Variants in XKR4 observed in about 807,000 individuals in gnomAD.
XKR4 encodes the protein XK-related protein 4.
Under a neutral mutation model 53.9 loss-of-function variants are expected in XKR4, and 12 were observed. That is an observed-to-expected ratio of 0.22 (90% CI 0.14 to 0.36). The LOEUF is 0.36. Among genes scored for constraint, XKR4 ranks in the 10% least tolerant of loss-of-function variants. The pLI is 1.00. For missense variants in XKR4, 799 were observed against 859.5 expected (o/e 0.93, Z 0.88); for synonymous variants, 354 against 362.4 (o/e 0.98, Z 0.26).
intron 2 of XKR4, among the ~76,000 whole-genome samples, chr8:55,431,295 T>C (rs1805099935): frequency 6.6e-6 from 1 of 152,230 alleles, no homozygotes; most frequent in African/African-American, 2.4e-5. Flanking sequence ...TTTTTAGTGA[T>C]GTTAATAGAC....
At position 55,539,344 on chromosome 8, in the gene XKR4, A is replaced by T. The variant is rs1250196266; in HGVS notation, c.*15117A>T. The T allele has an allele frequency of 1.3e-5, 2 of 152,180 alleles. No homozygotes were observed. Among genetic ancestry groups the T allele is most frequent in the Non-Finnish European group, 2.9e-5 (2 of 68,026 alleles). 9.4% of individuals were successfully genotyped at this position (152,180 alleles called of 1,614,324 possible). A position where few individuals can be genotyped will look rare whatever the true frequency, so the allele number is the denominator to read the frequency against. On this transcript the variant is annotated 3_prime_UTR_variant, in exon 3 of 3. Transcript: ENST00000327381. ...ATATTCCATTGTGAAAAAAATGTGCACACTCTTAAAAACACAAAATGGGTT... is the reference window on the plus strand; with the variant it reads ...ATATTCCATTGTGAAAAAAATGTGCTCACTCTTAAAAACACAAAATGGGTT...
chr8:55,173,559 C>A (rs2129358788), intron 1 of XKR4, among the ~76,000 whole-genome samples: 1 of 152,316 alleles, frequency 6.6e-6, no homozygotes, highest in African/African-American at 2.4e-5. Flanking sequence ...TTTCTGGTCT[C>A]CTTATGGAGG....
intron 2 of XKR4, chr8:55,454,370 T>G: frequency 1.3e-6 from 2 of 1,502,610 alleles, no homozygotes; most frequent in South Asian, 1.1e-5. Context: ...GATGGGCACA[T>G]AGGTGAAGCT....
intron 2 of XKR4, among the ~76,000 whole-genome samples, chr8:55,411,575 C>A (rs1804778989): frequency 6.6e-6 from 1 of 152,174 alleles, no homozygotes; most frequent in South Asian, 2.1e-4. Flanking sequence ...TGACCACTTG[C>A]CTAACCCTGA....
At chr8:55,406,000 A>G (rs1804676312) in intron 2 of XKR4, among the ~76,000 whole-genome samples, 1 of 152,188 alleles carries the variant, frequency 6.6e-6, no homozygotes, top group South Asian at 2.1e-4. Flanking sequence ...AGTAAAACAC[A>G]TGTAGATTTT....
At chr8:55,245,387 G>A (rs1818271679) in intron 1 of XKR4, among the ~76,000 whole-genome samples, 1 of 151,830 alleles carries the variant, frequency 6.6e-6, no homozygotes, top group Non-Finnish European at 1.5e-5. Flanking sequence ...TGTAGCGGGG[G>A]AAAATTACAT....
At chr8:55,173,865 T>A (rs1817195756) in intron 1 of XKR4, among the ~76,000 whole-genome samples, 1 of 152,226 alleles carries the variant, frequency 6.6e-6, no homozygotes, top group Admixed American at 6.5e-5. Flanking sequence ...ACACACTTAG[T>A]GCTCTCAAAA....
At chr8:55,464,840 A>T (rs914814899) in intron 2 of XKR4, among the ~76,000 whole-genome samples, 4 of 152,040 alleles carry the variant, frequency 2.6e-5, no homozygotes, top group East Asian at 1.9e-4. Flanking sequence ...TATACACCAA[A>T]AACAGACAAA....
In XKR4 at chr8:55,523,317, G is replaced by T. The variant is rs756080010; in HGVS notation, c.1043G>T (p.Trp348Leu). 1.2e-6 allele frequency: 2 copies of T among 1,613,322 alleles called. No homozygotes were observed. Among genetic ancestry groups the T allele is most frequent in the Non-Finnish European group, 1.7e-6 (2 of 1,179,486 alleles). ...GCAGCTTCCCTCGTGTCCCTGGCCTGGGCCTTGGCCTCCTACCAGAAGGCC... is the reference window on the plus strand; with the variant it reads ...GCAGCTTCCCTCGTGTCCCTGGCCTTGGCCTTGGCCTCCTACCAGAAGGCC... Reference protein sequence around the residue: ...TAAASLVSLAWALASYQKALR... With the variant: ...TAAASLVSLALALASYQKALR... Residue 348 changes from tryptophan to leucine, a missense_variant, in exon 3 of 3, where the codon TGG (tryptophan) becomes TTG (leucine). Physicochemically the swap from Trp to Leu is moderately conservative, Grantham distance 61. Coordinates refer to ENST00000327381, the MANE Select transcript of XKR4 (RefSeq NM_052898.2).
chr8:55,498,836 C>A (rs1261640026), intron 2 of XKR4, among the ~76,000 whole-genome samples: 2 of 152,012 alleles, frequency 1.3e-5, no homozygotes, highest in Non-Finnish European at 2.9e-5. Flanking sequence ...TGTCTATATC[C>A]CTAGCATTGG....
intron 1 of XKR4, among the ~76,000 whole-genome samples, chr8:55,266,952 T>G (rs574937170): frequency 3.3e-5 from 5 of 152,306 alleles, no homozygotes; most frequent in African/African-American, 1.2e-4. Context: ...CCCCTAATGA[T>G]GGCCAAAATG....
chr8:55,525,176 A>G lies in XKR4; in HGVS notation c.*949A>G, dbSNP rs918684818. 6.6e-6 allele frequency: 1 copy of G among 152,652 alleles called. No individual in the cohort carries two copies. The highest frequency in any genetic ancestry group is 1.5e-5 in the Non-Finnish European group (1 of 68,064). 9.5% of individuals were successfully genotyped at this position (152,652 alleles called of 1,614,324 possible). The stretch of plus-strand genomic sequence containing the variant: ...GGGCTGGAACCGGATCTGTTTCCAG[A>G]CGCAGAATGAGTGGCTCTGTGTGAC... On this transcript the variant is annotated 3_prime_UTR_variant, in exon 3 of 3. Transcript: ENST00000327381.
rs1585624545 is a variant in XKR4 at position 55,539,051 on chromosome 8, A to G, written c.*14824A>G. ...CTAAAGGATAAAGGACACAGTGTGA[A>G]AACAACATCAGAGAATATCCTGTAC... is the stretch of plus-strand genomic sequence containing the variant. On this transcript the variant is annotated 3_prime_UTR_variant, in exon 3 of 3. Transcript: ENST00000327381. 2 of 152,226 alleles carry G rather than the reference A, an allele frequency of 1.3e-5. 1 individual carries two copies. Among genetic ancestry groups the G allele is most frequent in the African/African-American group, 4.8e-5 (2 of 41,452 alleles). 9.4% of individuals were successfully genotyped at this position (152,226 alleles called of 1,614,324 possible).
chr8:55,289,747 G>A (rs866447685), intron 1 of XKR4, among the ~76,000 whole-genome samples: 21 of 133,300 alleles, frequency 1.6e-4, no homozygotes, highest in African/African-American at 5.7e-4. Flanking sequence ...GAAAGAAAAA[G>A]AAAGAAAGAA....
chr8:55,336,525 C>T (rs1298100193), intron 1 of XKR4, among the ~76,000 whole-genome samples: 3 of 152,106 alleles, frequency 2.0e-5, no homozygotes, highest in Non-Finnish European at 4.4e-5. Context: ...TGGTTTTGAT[C>T]ATTGTGCTAT....
intron 1 of XKR4, among the ~76,000 whole-genome samples, chr8:55,330,322 C>T (rs1354760707): frequency 1.3e-5 from 2 of 152,142 alleles, no homozygotes; most frequent in African/African-American, 2.4e-5. Flanking sequence ...CACTAAGACT[C>T]AGTTTCCTCA....
intron 1 of XKR4, chr8:55,272,835 T>C (rs988512251): frequency 7.1e-6 from 3 of 424,354 alleles, no homozygotes; most frequent in African/African-American, 4.1e-5. Context: ...CCAAGAATTA[T>C]GTTTTAGAGT....
Position 55,527,813 on chromosome 8 carries a change from A to G in XKR4, c.*3586A>G, listed in dbSNP as rs1196629158. The G allele has an allele frequency of 5.9e-5, 9 of 152,198 alleles. No homozygotes were observed. The highest frequency in any genetic ancestry group is 5.9e-4 in the Admixed American group (9 of 15,278). 9.4% of individuals were successfully genotyped at this position (152,198 alleles called of 1,614,324 possible). The stretch of plus-strand genomic sequence containing the variant: ...TCTGAGGATAAAAGTAAAATGAAGT[A>G]TTTTATGGTTAATTTCTAAATGCCC... On this transcript the variant is annotated 3_prime_UTR_variant, in exon 3 of 3. Coordinates refer to ENST00000327381, the MANE Select transcript of XKR4 (RefSeq NM_052898.2).
chr8:55,293,550 G>A (rs1482991347), intron 1 of XKR4, among the ~76,000 whole-genome samples: 1 of 152,008 alleles, frequency 6.6e-6, no homozygotes, highest in South Asian at 2.1e-4. Flanking sequence ...ATCTGCTTAA[G>A]TTTTGAGAAA....
Sources: allele counts gnomAD v4.1 joint callset (sites outside exome capture counted in the v4.1 genomes callset), GRCh38; gene constraint gnomAD v4.1.1; transcripts MANE v1.5; gene names NCBI Gene and HGNC (gene_info 2026-07-23, HGNC 2026-07-21).